Variants in VAV3 observed in about 807,000 individuals in gnomAD.
VAV3 encodes guanine nucleotide exchange factor VAV3.
In VAV3, 94 loss-of-function variants were observed where a neutral mutation model predicts 131.2. That is an observed-to-expected ratio of 0.72 (90% confidence interval 0.61 to 0.85). VAV3 has a LOEUF of 0.85. Among genes scored for constraint, VAV3 ranks in the 40% least tolerant of loss-of-function variants. The pLI is 0.00. For synonymous variants in VAV3, 349 were observed against 342.0 expected (o/e 1.02, Z -0.22); for missense variants, 939 against 1,002.7 (o/e 0.94, Z 0.86).
intron 2 of VAV3, among the ~76,000 whole-genome samples, chr1:107,842,787 G>A (rs1252338335): frequency 6.6e-6 from 1 of 151,996 alleles, no homozygotes; most frequent in Non-Finnish European, 1.5e-5. Context: ...ACAGACTTAG[G>A]CAGATATCGT....
At chr1:107,766,605 C>A (rs1204429669) in intron 7 of VAV3, 55 bp from the exon 8 acceptor site, 3 of 1,355,160 alleles carry the variant, frequency 2.2e-6, no homozygotes, top group African/African-American at 1.4e-5. Flanking sequence ...AAAAAATACA[C>A]CCCAAACCCA....
intron 1 of VAV3, among the ~76,000 whole-genome samples, chr1:107,904,881 T>C (rs927308859): frequency 1.3e-5 from 2 of 152,224 alleles, no homozygotes; most frequent in Non-Finnish European, 2.9e-5. Flanking sequence ...CATGGTTATA[T>C]GCAGGTGAGG....
chr1:107,775,059 C>A (rs1316505439), intron 4 of VAV3, among the ~76,000 whole-genome samples: 1 of 152,034 alleles, frequency 6.6e-6, no homozygotes, highest in African/African-American at 2.4e-5. Context: ...CAAATACATT[C>A]GGACCTTCGG....
intron 20 of VAV3, among the ~76,000 whole-genome samples, chr1:107,623,357 T>C (rs1260058954): frequency 6.6e-6 from 1 of 152,224 alleles, no homozygotes; most frequent in Non-Finnish European, 1.5e-5. Flanking sequence ...TGTTTCTTGA[T>C]TATTGTCAAT....
intron 1 of VAV3, among the ~76,000 whole-genome samples, chr1:107,912,487 G>A (rs1409768850): frequency 6.6e-6 from 1 of 152,064 alleles, no homozygotes; most frequent in African/African-American, 2.4e-5. Context: ...AGTATTAAAG[G>A]CATGTGTTGA....
chr1:107,807,487 C>A (rs1406253168), intron 2 of VAV3, among the ~76,000 whole-genome samples: 2 of 152,218 alleles, frequency 1.3e-5, no homozygotes, highest in African/African-American at 4.8e-5. Flanking sequence ...CCACATAACA[C>A]ACTTGCTACT....
At chr1:107,701,549 T>G (rs1660132590) in intron 17 of VAV3, among the ~76,000 whole-genome samples, 1 of 152,214 alleles carries the variant, frequency 6.6e-6, no homozygotes, top group African/African-American at 2.4e-5. Context: ...GTCTTGGCAA[T>G]TAACATTTAG....
chr1:107,650,023 C>T (rs979503261), intron 19 of VAV3, among the ~76,000 whole-genome samples: 1 of 151,954 alleles, frequency 6.6e-6, no homozygotes, highest in African/African-American at 2.4e-5. Flanking sequence ...AAGGGTAGGC[C>T]ATCAGGTCAG....
intron 1 of VAV3, among the ~76,000 whole-genome samples, chr1:107,887,544 A>G (rs1430882063): frequency 6.6e-6 from 1 of 152,214 alleles, no homozygotes; most frequent in African/African-American, 2.4e-5. Context: ...TATCTCCGTG[A>G]TAAATGTCCC....
At chr1:107,764,332 A>G (rs1664614410) in intron 9 of VAV3, among the ~76,000 whole-genome samples, 1 of 152,110 alleles carries the variant, frequency 6.6e-6, no homozygotes, top group African/African-American at 2.4e-5. Context: ...GCGCCTCTTC[A>G]GATGAATCCT....
chr1:107,901,713 T>C (rs1671862271), intron 1 of VAV3, among the ~76,000 whole-genome samples: 1 of 152,218 alleles, frequency 6.6e-6, no homozygotes, highest in Non-Finnish European at 1.5e-5. Context: ...TGTTGGGACA[T>C]AAATATTTAT....
intron 15 of VAV3, among the ~76,000 whole-genome samples, chr1:107,728,614 T>TATATGTATATGC (rs2101956163): frequency 9.7e-6 from 1 of 102,766 alleles, no homozygotes; most frequent in Admixed American, 1.1e-4. Context: ...TATGTATATG[T>TATATGTATATGC]ATATGTATAT....
chr1:107,734,221 G>A (rs970615642), intron 15 of VAV3, among the ~76,000 whole-genome samples: 2 of 152,096 alleles, frequency 1.3e-5, no homozygotes, highest in East Asian at 1.9e-4. Context: ...CACTAAACAC[G>A]GAAAGGAACA....
chr1:107,693,018 T>C (rs1027407399), intron 17 of VAV3, among the ~76,000 whole-genome samples: 2 of 152,120 alleles, frequency 1.3e-5, no homozygotes, highest in Non-Finnish European at 2.9e-5. Context: ...TCCATAAAGA[T>C]TGCTGTCTGG....
At chr1:107,910,399 T>G (rs1672310985) in intron 1 of VAV3, among the ~76,000 whole-genome samples, 1 of 152,220 alleles carries the variant, frequency 6.6e-6, no homozygotes, top group Non-Finnish European at 1.5e-5. Flanking sequence ...TTTCAGACGA[T>G]TCTTCAGAAT....
chr1:107,696,847 T>A (rs115892374), intron 17 of VAV3, among the ~76,000 whole-genome samples: 1 of 152,212 alleles, frequency 6.6e-6, no homozygotes, highest in Non-Finnish European at 1.5e-5. Context: ...ATATATCTTA[T>A]CCCTTTTCCT....
chr1:107,856,512 T>C (rs1402791041), intron 2 of VAV3, among the ~76,000 whole-genome samples: 1 of 152,134 alleles, frequency 6.6e-6, no homozygotes, highest in Non-Finnish European at 1.5e-5. Flanking sequence ...AATGGTACTT[T>C]TCCCCCAGGA....
At chr1:107,906,698 TAAAATAAAATA>T (rs1672126007) in intron 1 of VAV3, among the ~76,000 whole-genome samples, 1 of 151,586 alleles carries the variant, frequency 6.6e-6, no homozygotes, top group Non-Finnish European at 1.5e-5. Context: ...ATACAATACA[TAAAATAAAATA>T]AAAATAAAAT....
chr1:107,941,619 C>T (rs1215801028), intron 1 of VAV3, among the ~76,000 whole-genome samples: 1 of 152,106 alleles, frequency 6.6e-6, no homozygotes, highest in South Asian at 2.1e-4. Flanking sequence ...TTTGTTTTGC[C>T]AGAAGTAGGG....
Sources: gnomAD v4.1 joint callset for allele counts (sites outside exome capture counted in the v4.1 genomes callset) on GRCh38, gnomAD v4.1.1 for gene constraint, MANE v1.5 for transcripts, NCBI Gene and HGNC (gene_info 2026-07-23, HGNC 2026-07-21) for gene names.